The following PIEZO2 variants were observed in gnomAD, a reference collection of about 807,000 sequenced individuals.
The protein encoded by PIEZO2 is piezo-type mechanosensitive ion channel component 2.
Under a neutral mutation model 337.3 loss-of-function variants are expected in PIEZO2, and 172 were observed. The ratio of observed to expected loss-of-function variants is 0.51; its 90% CI spans 0.45 to 0.58. PIEZO2 has a LOEUF of 0.58. PIEZO2 is among the 20% of genes least tolerant of loss of function. The probability of loss-of-function intolerance (pLI) is 0.00; values close to 1 mark genes in which losing one functional copy is unlikely to be tolerated. For missense variants in PIEZO2, 3,028 were observed against 3,391.3 expected, an observed-to-expected ratio of 0.89 and a Z score of 2.66; for synonymous variants, 1,251 against 1,228.5, an observed-to-expected ratio of 1.02 and a Z score of -0.38.
rs570535418 is a variant in PIEZO2, at chr18:10,800,581, T to A, written c.1240-106A>T. On this transcript the variant is annotated intron_variant, in intron 10 of 55. Transcript: ENST00000674853. ...CCACCCTAACTGAACAGTGAGGAGT[T>A]GATTACAAGCTGAATAACTTAGCCA... 3.1e-6 allele frequency: 4 copies of A among 1,290,298 alleles called. No individual in the cohort carries two copies. The South Asian group carries it at 5.2e-5, about 17-fold the overall frequency. The allele number at this position is 1,290,298 out of a possible 1,614,324, so 79.9% of individuals were successfully genotyped here. A position where few individuals can be genotyped will look rare whatever the true frequency, so the allele number is the denominator to read the frequency against.
chr18:10,752,224 C>A (rs1213113903), intron 28 of PIEZO2, among the ~76,000 whole-genome samples: 1 of 152,220 alleles, frequency 6.6e-6, no homozygotes, highest in Admixed American at 6.5e-5. Context: ...TTCTACAGTT[C>A]TTTCTAGATA....
In PIEZO2 at chr18:10,862,495, GTT is replaced by G. The variant is rs2041901942; in HGVS notation, c.493-5286_493-5285del. ...ATCCTCTCACCCTACAGCAGTACTG[GTT>G]CCATTAAGCCGTGGCATCCACCATG... On this transcript the variant is annotated intron_variant, in intron 5 of 55. Coordinates refer to ENST00000674853, the MANE Select transcript of PIEZO2 (RefSeq NM_001378183.1). The surrounding 1 kb of genome is among the most constrained non-coding windows in gnomAD (Gnocchi z 4.4). Among the ~76,000 whole-genome samples, 2 of 152,118 alleles carry G rather than the reference GTT, an allele frequency of 1.3e-5. No homozygotes were observed. Among genetic ancestry groups the G allele is most frequent in the Non-Finnish European group, 2.9e-5 (2 of 68,028 alleles).
chr18:11,093,487 C>G (rs1385919476), intron 1 of PIEZO2, among the ~76,000 whole-genome samples: 2 of 151,426 alleles, frequency 1.3e-5, no homozygotes, highest in African/African-American at 4.8e-5. Context: ...GGGACTCTCA[C>G]TACACTGTTC....
chr18:10,740,734 T>C (rs2037183594), intron 33 of PIEZO2: 1 of 546,342 alleles, frequency 1.8e-6, no homozygotes, highest in South Asian at 2.1e-5. Flanking sequence ...CAATATAATA[T>C]TCAATTCTTC....
intron 7 of PIEZO2, among the ~76,000 whole-genome samples, chr18:10,851,125 T>TTTTTC (rs149794252): frequency 7.3e-5 from 11 of 151,084 alleles, no homozygotes; most frequent in African/African-American, 1.9e-4. Flanking sequence ...CTTCTTTCTC[T>TTTTTC]TTTTCTTTTC....
chr18:10,923,218 A>G (rs2031532358), intron 3 of PIEZO2, among the ~76,000 whole-genome samples: 1 of 152,190 alleles, frequency 6.6e-6, no homozygotes, highest in Non-Finnish European at 1.5e-5. Flanking sequence ...ATAATGGATC[A>G]GTTCTCTGGT....
chr18:11,102,948 C>T lies in PIEZO2; in HGVS notation c.65-36726G>A, dbSNP rs536438303. 2.6e-5 allele frequency among the ~76,000 whole-genome samples: 4 copies of T among 152,282 alleles called. No homozygotes were observed. Among genetic ancestry groups the T allele is most frequent in the African/African-American group, 9.6e-5 (4 of 41,560 alleles). Reference sequence around the variant, plus strand: ...TAATTTTAAAAATCCCAGGGAAGGACTCTCACTGGTCTTCTGTGGGTCAGG... The same window carrying T: ...TAATTTTAAAAATCCCAGGGAAGGATTCTCACTGGTCTTCTGTGGGTCAGG... On this transcript the variant is annotated intron_variant, in intron 1 of 55. Coordinates refer to ENST00000674853, the MANE Select transcript of PIEZO2 (RefSeq NM_001378183.1). This position sits in a 1 kb window ranked among gnomAD's most constrained non-coding sequence, Gnocchi z 5.7.
intron 9 of PIEZO2, among the ~76,000 whole-genome samples, chr18:10,801,788 A>G (rs948294095): frequency 2.6e-5 from 4 of 152,210 alleles, no homozygotes; most frequent in African/African-American, 9.6e-5. Context: ...TAGAATTTTC[A>G]TAATAAAGAA....
chr18:11,088,945 G>C (rs1195881864), intron 1 of PIEZO2, among the ~76,000 whole-genome samples: 1 of 152,158 alleles, frequency 6.6e-6, no homozygotes, highest in Non-Finnish European at 1.5e-5. Flanking sequence ...CTCCAAATGG[G>C]AATTAGCCAG....
chr18:10,890,989 T>C (rs972128144), intron 4 of PIEZO2, among the ~76,000 whole-genome samples: 1 of 152,232 alleles, frequency 6.6e-6, no homozygotes, highest in Non-Finnish European at 1.5e-5. Flanking sequence ...GAGTAACTTT[T>C]TTTTTCCTTT....
intron 2 of PIEZO2, among the ~76,000 whole-genome samples, chr18:11,060,955 C>A (rs1465323592): frequency 2.6e-5 from 4 of 152,228 alleles, no homozygotes; most frequent in Admixed American, 2.0e-4. Flanking sequence ...CACAACAAAA[C>A]AAGAGAATTT....
At chr18:11,072,444 A>G (rs1316640954) in intron 1 of PIEZO2, among the ~76,000 whole-genome samples, 1 of 152,166 alleles carries the variant, frequency 6.6e-6, no homozygotes, top group African/African-American at 2.4e-5. Flanking sequence ...TGGACATAAA[A>G]TTACCTAATT....
rs528308018 is a variant in PIEZO2, at chr18:11,029,932, G to A, written c.160+36195C>T. Among the ~76,000 whole-genome samples, 3 of 152,166 alleles carry A rather than the reference G, an allele frequency of 2.0e-5. No individual in the cohort carries two copies. The East Asian group carries it at 5.8e-4, about 29-fold the overall frequency. ...TTTTTTATCTTCTGCGTTCCCCACT[G>A]AACTGCAAGCTCTATGATTTGATCT... On this transcript the variant is annotated intron_variant, in intron 2 of 55. Coordinates refer to ENST00000674853, the MANE Select transcript of PIEZO2 (RefSeq NM_001378183.1).
chr18:10,808,064 A>T (rs761691441), intron 7 of PIEZO2, among the ~76,000 whole-genome samples: 1 of 152,148 alleles, frequency 6.6e-6, no homozygotes, highest in East Asian at 1.9e-4. Context: ...AGTGAGTTTC[A>T]TACCTTTCTA....
chr18:10,988,514 T>C lies in PIEZO2; in HGVS notation c.161-8854A>G, dbSNP rs901833191. 2.6e-4 allele frequency among the ~76,000 whole-genome samples: 40 copies of C among 152,252 alleles called. No individual in the cohort carries two copies. Among genetic ancestry groups the C allele is most frequent in the African/African-American group, 9.4e-4 (39 of 41,554 alleles). ...TGAAAATGTAACTTGGTAGCTCCAT[T>C]ATGAAAAATAGTATGGAGATTCTTA... On this transcript the variant is annotated intron_variant, in intron 2 of 55. Coordinates refer to ENST00000674853, the MANE Select transcript of PIEZO2 (RefSeq NM_001378183.1). This position sits in a 1 kb window ranked among gnomAD's most constrained non-coding sequence, Gnocchi z 4.8.
Position 11,131,277 on chromosome 18 carries a change from A to G in PIEZO2, c.64+17248T>C, listed in dbSNP as rs1393107280. On this transcript the variant is annotated intron_variant, in intron 1 of 55. Coordinates refer to ENST00000674853, the MANE Select transcript of PIEZO2 (RefSeq NM_001378183.1). This position sits in a 1 kb window ranked among gnomAD's most constrained non-coding sequence, Gnocchi z 5.3. Reference sequence around the variant, plus strand: ...CCATCATCAAATGGAAGTGATATATACATGATCGGGCTCGAGCAGGTCCTG... The same window carrying G: ...CCATCATCAAATGGAAGTGATATATGCATGATCGGGCTCGAGCAGGTCCTG... Among the ~76,000 whole-genome samples, 1 of 152,198 alleles carries G rather than the reference A, an allele frequency of 6.6e-6. No homozygotes were observed. Among genetic ancestry groups the G allele is most frequent in the Non-Finnish European group, 1.5e-5 (1 of 68,044 alleles).
intron 49 of PIEZO2, among the ~76,000 whole-genome samples, chr18:10,685,877 G>C (rs1007146013): frequency 5.3e-5 from 8 of 152,230 alleles, no homozygotes; most frequent in Non-Finnish European, 1.0e-4. Context: ...GCGGGCACGA[G>C]ATTGCGCCTT....
At chr18:10,914,193 A>C (rs1441594784) in intron 3 of PIEZO2, among the ~76,000 whole-genome samples, 2 of 152,178 alleles carry the variant, frequency 1.3e-5, no homozygotes, top group African/African-American at 4.8e-5. Context: ...TAGAGAAAAC[A>C]AAAGTAGCTG....
intron 23 of PIEZO2, 120 bp downstream of exon 23, chr18:10,762,380 A>G: frequency 7.8e-7 from 1 of 1,285,938 alleles, no homozygotes; most frequent in Non-Finnish European, 1.0e-6. Flanking sequence ...AGGTGATGCC[A>G]AATCCCACAT....
Sources: gnomAD v4.1 joint callset for allele counts (sites outside exome capture counted in the v4.1 genomes callset) on GRCh38, gnomAD v4.1.1 for gene constraint, Gnocchi (gnomAD v3.1) non-coding constraint, MANE v1.5 for transcripts, NCBI Gene and HGNC (gene_info 2026-07-23, HGNC 2026-07-21) for gene names.